Variants in BLM observed in about 807,000 individuals in gnomAD.
BLM encodes BLM RecQ like helicase.
BLM carries 95 observed loss-of-function variants against 135.3 expected under a neutral mutation model. That is an observed-to-expected ratio of 0.70 (90% CI 0.59 to 0.83). The LOEUF (loss-of-function observed/expected upper bound fraction) is 0.83, where lower values mean the gene tolerates loss of function less well. Ranked by LOEUF, BLM falls within the 40% of genes least tolerant of loss-of-function variation. The pLI, the probability that BLM is intolerant of heterozygous loss-of-function variation, is 0.00. For missense variants in BLM, 1,518 were observed against 1,663.9 expected, an observed-to-expected ratio of 0.91 and a Z score of 1.53; for synonymous variants, 520 against 589.2, an observed-to-expected ratio of 0.88 and a Z score of 1.70.
At chr15:90,784,863 TTG>T in intron 13 of BLM, 56 bp from the exon 14 acceptor site, 4 of 1,549,982 alleles carry the variant, frequency 2.6e-6, no homozygotes, top group Non-Finnish European at 3.5e-6. Flanking sequence ...GTAGTGTAAA[TTG>T]TGTTTTTGTT....
chr15:90,761,159 G>C lies in BLM; in HGVS notation c.1786G>C (p.Val596Leu). Residue 596 changes from valine (V) to leucine (L), a missense_variant, in exon 7 of 22, where the codon GTA becomes CTA. Coordinates refer to ENST00000355112, the MANE Select transcript of BLM (RefSeq NM_000057.4). The stretch of plus-strand genomic sequence containing the variant: ...CAAGGAAGGTCGGCCAATTAAATCA[G>C]TATCAGAAAGACTTTCCTCAGCCAA... ...PIKEGRPIKSVSERLSSAKTD... is the reference protein window; with the variant it reads ...PIKEGRPIKSLSERLSSAKTD... 1 of 1,530,606 alleles carries C rather than the reference G, an allele frequency of 6.5e-7. No homozygotes were observed. The highest frequency in any genetic ancestry group is 8.7e-7 in the Non-Finnish European group (1 of 1,144,230). The allele number at this position is 1,530,606 out of a possible 1,614,324, so 94.8% of individuals were successfully genotyped here.
intron 12 of BLM, among the ~76,000 whole-genome samples, chr15:90,770,745 T>TA (rs1896291428): frequency 6.6e-6 from 1 of 152,162 alleles, no homozygotes; most frequent in African/African-American, 2.4e-5. Context: ...CATTTGAAAA[T>TA]AAAGACAAGC....
intron 1 of BLM, among the ~76,000 whole-genome samples, chr15:90,745,944 G>A (rs926946807): frequency 3.9e-5 from 6 of 152,090 alleles, no homozygotes; most frequent in African/African-American, 1.4e-4. Flanking sequence ...GGTTGTGGTA[G>A]TGTACACCTG....
intron 1 of BLM, among the ~76,000 whole-genome samples, chr15:90,745,208 G>A (rs1238507572): frequency 6.6e-6 from 1 of 152,074 alleles, no homozygotes; most frequent in Non-Finnish European, 1.5e-5. Flanking sequence ...CGCCTGAAAA[G>A]ACTCCCACTG....
chr15:90,749,832 G>T lies in BLM; in HGVS notation c.564G>T (p.Lys188Asn), dbSNP rs1596218841. ...TAAGCACTGCTCAGAAATCAAAAAA[G>T]GGTAAGAGAAACTTTTTTAAAGCAC... is the stretch of plus-strand genomic sequence containing the variant. ...VRVSTAQKSKKGKRNFFKAQL... is the reference protein window; with the variant it reads ...VRVSTAQKSKNGKRNFFKAQL... The change falls in exon 3 of 22, where the codon AAG (lysine) becomes AAT (asparagine). Residue 188 changes from lysine (K) to asparagine (N), a missense_variant. Lys to Asn is a moderately conservative substitution (Grantham distance 94). Transcript: ENST00000355112. 6.3e-7 allele frequency: 1 copy of T among 1,593,190 alleles called. No homozygotes were observed.
At chr15:90,758,108 G>A (rs1239377967) in intron 5 of BLM, among the ~76,000 whole-genome samples, 2 of 151,854 alleles carry the variant, frequency 1.3e-5, no homozygotes, top group Non-Finnish European at 2.9e-5. Context: ...TCAAACTCCT[G>A]ATCTCAGGTG....
chr15:90,726,649 C>CAACGA (rs1366029596), intron 1 of BLM, among the ~76,000 whole-genome samples: 1 of 152,156 alleles, frequency 6.6e-6, no homozygotes, highest in East Asian at 1.9e-4. Context: ...TCTATGAGAG[C>CAACGA]AACGATTTTT....
Position 90,798,314 on chromosome 15 carries a change from A to G in BLM, c.3335A>G (p.Asn1112Ser), listed in dbSNP as rs1897081867. The G allele has an allele frequency of 6.2e-7, 1 of 1,613,244 alleles. No individual in the cohort carries two copies. The highest frequency in any genetic ancestry group is 8.5e-7 in the Non-Finnish European group (1 of 1,179,618). ...GGTCCTTCTGGAAGATTTACTATGA[A>G]TATGCTGGTCGACATTTTCTTGGGT... ...HVGPSGRFTM[N>S]MLVDIFLGSK... is the part of the protein sequence containing the mutation. Residue 1112 changes from asparagine to serine, a missense_variant, in exon 17 of 22, where the codon AAT (asparagine) becomes AGT (serine). By Grantham distance (46) the Asn-to-Ser change is conservative (BLOSUM62 1). This residue lies in a region of BLM where 626 missense variants were observed against 681.1 expected (regional missense o/e 0.92). Coordinates refer to ENST00000355112, the MANE Select transcript of BLM (RefSeq NM_000057.4).
chr15:90,765,760 A>T lies in BLM; in HGVS notation c.2193+346A>T, dbSNP rs28385031. On this transcript the variant is annotated intron_variant, in intron 9 of 21. Coordinates refer to ENST00000355112, the MANE Select transcript of BLM (RefSeq NM_000057.4). ...CATACACACATGCATGCCTGCACACATATATCTTTTTTTCTCATGGCTGAG... is the reference window on the plus strand; with the variant it reads ...CATACACACATGCATGCCTGCACACTTATATCTTTTTTTCTCATGGCTGAG... Among the ~76,000 whole-genome samples the T allele has an allele frequency of 6.6e-5, 10 of 152,254 alleles. No individual in the cohort carries two copies. The South Asian group carries it at 2.1e-3, about 32-fold the overall frequency.
chr15:90,783,732 T>C (rs1896673413), intron 13 of BLM, among the ~76,000 whole-genome samples: 1 of 152,054 alleles, frequency 6.6e-6, no homozygotes. Flanking sequence ...AAACCCCATC[T>C]CTACAAAAAT....
In BLM at chr15:90,805,740, A is replaced by G. The variant is rs564119260; in HGVS notation, c.3751+1381A>G. 1.3e-5 allele frequency among the ~76,000 whole-genome samples: 2 copies of G among 151,812 alleles called. 1 individual carries two copies. The highest frequency in any genetic ancestry group is 4.2e-4 in the South Asian group (2 of 4,744). ...GAGGCAGGGTTTCACCATGTTGGCC[A>G]GGCTAGTCTCGAACTCCTGACCTCA... On this transcript the variant is annotated intron_variant, in intron 19 of 21. Coordinates refer to ENST00000355112, the MANE Select transcript of BLM (RefSeq NM_000057.4).
chr15:90,727,550 A>G (rs1157191976), intron 1 of BLM, among the ~76,000 whole-genome samples: 1 of 151,924 alleles, frequency 6.6e-6, no homozygotes, highest in African/African-American at 2.4e-5. Context: ...TCCTTCTGAG[A>G]GTCTGAAATT....
intron 17 of BLM, among the ~76,000 whole-genome samples, chr15:90,802,056 CAAAA>C (rs978943593): frequency 6.9e-6 from 1 of 145,222 alleles, no homozygotes; most frequent in Non-Finnish European, 1.5e-5. Flanking sequence ...GACCCTGACT[CAAAA>C]AAAAAAAATT....
In BLM at chr15:90,717,385, G is replaced by T. The variant is rs546381589; in HGVS notation, c.-60G>T. On this transcript the variant is annotated 5_prime_UTR_variant, in exon 1 of 22. Transcript: ENST00000355112. ...GCCAGGGCTTGGCGCGGCGGCCGTG[G>T]TTGCGGCGCGGGAAGTTTGGATCCT... is the stretch of plus-strand genomic sequence containing the variant. 1 of 152,466 alleles carries T rather than the reference G, an allele frequency of 6.6e-6. No homozygotes were observed. The highest frequency in any genetic ancestry group is 2.4e-5 in the African/African-American group (1 of 41,470). 9.4% of individuals were successfully genotyped at this position (152,466 alleles called of 1,614,324 possible).
At chr15:90,718,503 A>G (rs1488109954) in intron 1 of BLM, among the ~76,000 whole-genome samples, 2 of 152,226 alleles carry the variant, frequency 1.3e-5, no homozygotes, top group African/African-American at 2.4e-5. Context: ...CAGGAATTCG[A>G]GAGACTGCAT....
At chr15:90,737,747 T>G (rs1258517973) in intron 1 of BLM, among the ~76,000 whole-genome samples, 1 of 152,062 alleles carries the variant, frequency 6.6e-6, no homozygotes, top group African/African-American at 2.4e-5. Flanking sequence ...ACAATTTAAC[T>G]TCACACTTAA....
At chr15:90,731,347 G>A (rs908691812) in intron 1 of BLM, among the ~76,000 whole-genome samples, 1 of 152,180 alleles carries the variant, frequency 6.6e-6, no homozygotes, top group Non-Finnish European at 1.5e-5. Context: ...TCACTGAGGA[G>A]TTGCCCTTAC....
In BLM at chr15:90,794,311, G is replaced by C. The variant is rs367543029; in HGVS notation, c.3164G>C (p.Cys1055Ser). 15 of 1,605,734 alleles carry C rather than the reference G, an allele frequency of 9.3e-6. No homozygotes were observed. The highest frequency in any genetic ancestry group is 1.2e-5 in the Non-Finnish European group (14 of 1,175,924). Residue 1055 changes from cysteine (C) to serine (S), a missense_variant, in exon 16 of 22, where the codon TGT (cysteine) becomes TCT (serine). By Grantham distance (112) the Cys-to-Ser change is moderately radical (BLOSUM62 -1). This residue lies in a region of BLM where 626 missense variants were observed against 681.1 expected (regional missense o/e 0.92). Transcript: ENST00000355112. ...FGENGFNPDF[C>S]KKHPDVSCDN... is the part of the protein sequence containing the mutation. ...GAAAATGGATTTAATCCTGATTTTT[G>C]TAAGAAACACCCAGATGTTTCTTGT...
chr15:90,782,927 A>G lies in BLM; in HGVS notation c.2661A>G (p.Pro887=), dbSNP rs753160480. Residue 887 remains proline, a splice_region_variant and synonymous_variant, in exon 13 of 22, where the codon CCA becomes CCG. Coordinates refer to ENST00000355112, the MANE Select transcript of BLM (RefSeq NM_000057.4). The part of the protein sequence containing the change: ...DCLEWIRKHH[P]YDSGIIYCLS... Reference sequence around the variant, plus strand: ...TAGAATGGATCAGAAAGCACCACCCATGTGAGTACAGCCATGTGATTAGCT... The same window carrying G: ...TAGAATGGATCAGAAAGCACCACCCGTGTGAGTACAGCCATGTGATTAGCT... The G allele has an allele frequency of 1.1e-5, 18 of 1,603,152 alleles. No homozygotes were observed. The East Asian group carries it at 1.3e-4, about 12-fold the overall frequency.
Sources: gnomAD v4.1 joint callset for allele counts (sites outside exome capture counted in the v4.1 genomes callset) on GRCh38, gnomAD v4.1.1 for gene constraint, gnomAD v4.1.1 regional missense constraint, MANE v1.5 for transcripts, NCBI Gene and HGNC (gene_info 2026-07-23, HGNC 2026-07-21) for gene names.